The following CHP1 variants were observed in gnomAD, a reference collection of about 807,000 sequenced individuals.
CHP1 encodes the protein calcineurin B homologous protein 1.
CHP1 carries 11 observed loss-of-function variants against 27.4 expected under a neutral mutation model. The observed-to-expected ratio is 0.40, with a 90% confidence interval of 0.25 to 0.67. The LOEUF (loss-of-function observed/expected upper bound fraction) is 0.67, where lower values mean the gene tolerates loss of function less well. Ranked by LOEUF, CHP1 falls within the 30% of genes least tolerant of loss-of-function variation. The pLI is 0.38. For missense variants in CHP1, 169 were observed against 251.3 expected (o/e 0.67, Z 2.22); for synonymous variants, 89 against 87.4 (o/e 1.02, Z -0.10).
intron 3 of CHP1, 130 bp downstream of exon 3, chr15:41,257,120 A>C (rs1019601414): frequency 5.6e-5 from 37 of 655,158 alleles, no homozygotes; most frequent in Non-Finnish European, 7.8e-6. Flanking sequence ...GAGCAATTCT[A>C]ATTTTGTCAT....
At chr15:41,246,468 T>A (rs1349408056) in intron 2 of CHP1, among the ~76,000 whole-genome samples, 3 of 151,432 alleles carry the variant, frequency 2.0e-5, no homozygotes, top group African/African-American at 7.3e-5. Flanking sequence ...TACAGGCGCA[T>A]GACACCACGC....
intron 4 of CHP1, among the ~76,000 whole-genome samples, chr15:41,265,861 G>A (rs112410549): frequency 7.0e-4 from 107 of 152,254 alleles, no homozygotes; most frequent in Non-Finnish European, 1.2e-3. Flanking sequence ...TTTTAATCAC[G>A]ATCAGCAAGG....
At chr15:41,273,885 G>A (rs766512236) in intron 5 of CHP1, among the ~76,000 whole-genome samples, 1 of 151,452 alleles carries the variant, frequency 6.6e-6, no homozygotes, top group South Asian at 2.1e-4. Flanking sequence ...AGGTTGCAGT[G>A]AGCTGAGATC....
intron 2 of CHP1, 186 bp from the exon 3 acceptor site, chr15:41,256,724 G>C (rs77172507): frequency 6.7e-6 from 4 of 592,662 alleles, no homozygotes; most frequent in Non-Finnish European, 1.2e-5. Context: ...CCACTTCTGA[G>C]TTGGTGCAAG....
chr15:41,277,578 A>G lies in CHP1; in HGVS notation c.412-1189A>G, dbSNP rs1461536870. ...GCGGAGGCGGGCAGATCATGAGGTC[A>G]GGAGTTCGAGACCAGCCTGGCCAAC... On this transcript the variant is annotated intron_variant, in intron 5 of 6. Transcript: ENST00000334660. 2.0e-5 allele frequency among the ~76,000 whole-genome samples: 3 copies of G among 152,146 alleles called. No homozygotes were observed. In the East Asian group the frequency reaches 5.8e-4, roughly 29 times the overall value.
At chr15:41,252,927 GTTTTTTTTTTTT>G (rs144891496) in intron 2 of CHP1, among the ~76,000 whole-genome samples, 3 of 65,722 alleles carry the variant, frequency 4.6e-5, no homozygotes, top group African/African-American at 1.2e-4. Flanking sequence ...ATTTCACATG[GTTTTTTTTTTTT>G]TTTTTTTTTT....
intron 2 of CHP1, among the ~76,000 whole-genome samples, chr15:41,250,865 C>G (rs1214129649): frequency 6.6e-6 from 1 of 150,376 alleles, no homozygotes. Context: ...GAGTCTCGCT[C>G]TGTCACCAGG....
At chr15:41,244,659 T>C (rs1168214143) in intron 2 of CHP1, among the ~76,000 whole-genome samples, 1 of 152,140 alleles carries the variant, frequency 6.6e-6, no homozygotes, top group Non-Finnish European at 1.5e-5. Flanking sequence ...ACAGCCCCCA[T>C]GACAAATAAT....
At chr15:41,252,020 G>A (rs1300352908) in intron 2 of CHP1, among the ~76,000 whole-genome samples, 1 of 151,980 alleles carries the variant, frequency 6.6e-6, no homozygotes, top group Non-Finnish European at 1.5e-5. Context: ...GGGATTATAG[G>A]CGTCAACCAC....
At chr15:41,241,073 G>T (rs949821238) in intron 1 of CHP1, among the ~76,000 whole-genome samples, 2 of 152,112 alleles carry the variant, frequency 1.3e-5, no homozygotes, top group Non-Finnish European at 2.9e-5. Context: ...GGATGGTCTC[G>T]ATCTCTTTTC....
chr15:41,238,897 G>C (rs539445326), intron 1 of CHP1, among the ~76,000 whole-genome samples: 20 of 152,200 alleles, frequency 1.3e-4, no homozygotes, highest in African/African-American at 3.1e-4. Context: ...TTCTCTGAGA[G>C]TAACTGTCAA....
At chr15:41,275,183 GTGTCTTTCT>G (rs1483268139) in intron 5 of CHP1, among the ~76,000 whole-genome samples, 1 of 151,706 alleles carries the variant, frequency 6.6e-6, no homozygotes, top group Non-Finnish European at 1.5e-5. Context: ...TTGAGAGGGA[GTGTCTTTCT>G]TGTCGCCCAG....
intron 3 of CHP1, 128 bp downstream of exon 3, chr15:41,257,118 C>T: frequency 1.5e-6 from 1 of 660,236 alleles, no homozygotes; most frequent in East Asian, 2.9e-5. Flanking sequence ...TTGAGCAATT[C>T]TAATTTTGTC....
intron 5 of CHP1, 104 bp from the exon 6 acceptor site, chr15:41,278,663 G>A (rs1021962567): frequency 1.5e-6 from 2 of 1,378,142 alleles, no homozygotes; most frequent in South Asian, 2.5e-5. Context: ...TGTATTTGAG[G>A]GCATCAAAGG....
At chr15:41,279,238 C>T in intron 6 of CHP1, 98 bp from the exon 7 acceptor site, 2 of 923,656 alleles carry the variant, frequency 2.2e-6, no homozygotes, top group Non-Finnish European at 3.4e-6. Flanking sequence ...TTACGTTTTA[C>T]TGCACAGGAG....
intron 2 of CHP1, among the ~76,000 whole-genome samples, chr15:41,252,384 G>A (rs556485157): frequency 2.4e-4 from 36 of 150,928 alleles, no homozygotes; most frequent in Admixed American, 1.7e-3. Flanking sequence ...GGCCAGGCTC[G>A]TGTCTAACTC....
intron 2 of CHP1, among the ~76,000 whole-genome samples, chr15:41,254,156 A>G (rs763810897): frequency 3.9e-5 from 6 of 152,124 alleles, no homozygotes; most frequent in Non-Finnish European, 8.8e-5. Flanking sequence ...CTGGAACTAC[A>G]TTATATATAC....
intron 1 of CHP1, among the ~76,000 whole-genome samples, chr15:41,241,176 C>T (rs1440520126): frequency 6.6e-6 from 1 of 152,192 alleles, no homozygotes; most frequent in East Asian, 1.9e-4. Context: ...CTTTAACTGA[C>T]TTATTTTTGT....
At chr15:41,249,742 G>T (rs924778778) in intron 2 of CHP1, among the ~76,000 whole-genome samples, 1 of 152,006 alleles carries the variant, frequency 6.6e-6, no homozygotes, top group African/African-American at 2.4e-5. Context: ...AAAGTGCTAA[G>T]ATTACAGGCG....
Sources: allele counts gnomAD v4.1 joint callset (sites outside exome capture counted in the v4.1 genomes callset), GRCh38; gene constraint gnomAD v4.1.1; transcripts MANE v1.5; gene names NCBI Gene and HGNC (gene_info 2026-07-23, HGNC 2026-07-21).